Variants in NPEPL1 observed in about 807,000 individuals in gnomAD.
The protein encoded by NPEPL1 is probable aminopeptidase NPEPL1.
In NPEPL1, 45 loss-of-function variants were observed where a neutral mutation model predicts 52.4. The observed-to-expected ratio is 0.86, with a 90% CI of 0.68 to 1.10. The LOEUF is 1.10. NPEPL1 is among the 50% of genes least tolerant of loss of function. The pLI, the probability that NPEPL1 is intolerant of heterozygous loss-of-function variation, is 0.00. For missense variants in NPEPL1, 696 were observed against 710.9 expected (o/e 0.98, Z 0.24); for synonymous variants, 360 against 314.7 (o/e 1.14, Z -1.52).
chr20:58,709,719 T>C (rs2084799500), intron 7 of NPEPL1, among the ~76,000 whole-genome samples: 1 of 152,216 alleles, frequency 6.6e-6, no homozygotes, highest in South Asian at 2.1e-4. Flanking sequence ...TTCTGCAGGA[T>C]TCCCACCAAA....
chr20:58,701,375 G>A (rs1358913843), intron 6 of NPEPL1, among the ~76,000 whole-genome samples: 3 of 146,690 alleles, frequency 2.0e-5, no homozygotes, highest in Non-Finnish European at 3.0e-5. Context: ...GGTGCCCTGG[G>A]GGGGGGGGAG....
intron 6 of NPEPL1, among the ~76,000 whole-genome samples, chr20:58,705,273 G>T (rs938508214): frequency 3.3e-5 from 5 of 152,116 alleles, no homozygotes; most frequent in African/African-American, 1.2e-4. Context: ...AAGTAAAGAT[G>T]GTGTCGTGGC....
chr20:58,693,536 G>C (rs191434745), intron 1 of NPEPL1: 216 of 513,224 alleles, frequency 4.2e-4, no homozygotes, highest in African/African-American at 3.9e-3. Context: ...ATCCCACCAG[G>C]GGGATGCGAG....
intron 3 of NPEPL1, among the ~76,000 whole-genome samples, chr20:58,696,041 C>T (rs1049574282): frequency 1.3e-5 from 2 of 152,208 alleles, no homozygotes; most frequent in Admixed American, 6.5e-5. Context: ...TCTGCCTCTT[C>T]TCTCTGTCTT....
chr20:58,697,709 C>T (rs1251099386), intron 3 of NPEPL1, among the ~76,000 whole-genome samples: 1 of 152,202 alleles, frequency 6.6e-6, no homozygotes, highest in Non-Finnish European at 1.5e-5. Flanking sequence ...GCTTCTGTGC[C>T]TGGGGATGCA....
intron 6 of NPEPL1, among the ~76,000 whole-genome samples, chr20:58,702,253 T>C (rs1312844833): frequency 6.6e-6 from 1 of 152,226 alleles, no homozygotes; most frequent in Non-Finnish European, 1.5e-5. Flanking sequence ...TGGCGTTCTG[T>C]TCCCGCCTGG....
At chr20:58,703,602 G>A in intron 6 of NPEPL1, 1 of 985,320 alleles carries the variant, frequency 1.0e-6, no homozygotes, top group Non-Finnish European at 1.2e-6. Flanking sequence ...GAGAAGATGA[G>A]CTTCCTGGGA....
At chr20:58,691,549 T>C (rs553558681), upstream of NPEPL1, 64 of 651,242 alleles carry the variant, frequency 9.8e-5, no homozygotes, top group Non-Finnish European at 4.1e-5. Flanking sequence ...ACCTGGAGCC[T>C]GTGGACAGGG....
intron 7 of NPEPL1, among the ~76,000 whole-genome samples, chr20:58,710,032 C>CT (rs59087368): frequency 0.011 from 1,236 of 109,374 alleles, 52 homozygotes; most frequent in South Asian, 0.023. Context: ...TTGTTTGTGG[C>CT]TTTTTTTTTT....
At chr20:58,703,978 T>A in intron 6 of NPEPL1, 1 of 985,252 alleles carries the variant, frequency 1.0e-6, no homozygotes, top group Non-Finnish European at 1.2e-6. Flanking sequence ...CAATACCTGG[T>A]TTTTTATTTT....
chr20:58,698,829 T>C (rs2296526), intron 4 of NPEPL1, 56 bp downstream of exon 4: 916,392 of 1,459,452 alleles, frequency 0.63, 293,282 homozygotes, highest in African/African-American at 0.89. Context: ...TGTCATAGAC[T>C]CCCAGGAGAG....
chr20:58,703,345 G>A (rs2084671811), intron 6 of NPEPL1: 1 of 435,116 alleles, frequency 2.3e-6, no homozygotes, highest in Non-Finnish European at 3.0e-6. Context: ...TGCTGACTTT[G>A]TTCAGAGATA....
At chr20:58,698,601 G>A in intron 3 of NPEPL1, 83 bp from the exon 4 acceptor site, 3 of 1,113,314 alleles carry the variant, frequency 2.7e-6, no homozygotes, top group East Asian at 2.4e-5. Flanking sequence ...GTTTGCCTCT[G>A]CTGCCTTTTG....
In NPEPL1 at chr20:58,694,468, C is replaced by A; in HGVS notation, c.383C>A (p.Ala128Asp). Reference protein sequence around the residue: ...PEVFASACALARAFPLFTHRS... With the variant: ...PEVFASACALDRAFPLFTHRS... Reference sequence around the variant, plus strand: ...GTCTTTGCTTCCGCCTGTGCCCTGGCCCGGGCCTTCCCGCTGTTCACCCAC... The same window carrying A: ...GTCTTTGCTTCCGCCTGTGCCCTGGACCGGGCCTTCCCGCTGTTCACCCAC... The change falls in exon 3 of 12, where the codon GCC (alanine) becomes GAC (aspartate). Residue 128 changes from alanine to aspartate, a missense_variant. Ala to Asp is a moderately radical substitution (Grantham distance 126, BLOSUM62 -2). Coordinates refer to ENST00000356091, the MANE Select transcript of NPEPL1 (RefSeq NM_024663.4). 1.2e-6 allele frequency: 2 copies of A among 1,613,798 alleles called. No individual in the cohort carries two copies. Among genetic ancestry groups the A allele is most frequent in the South Asian group, 2.2e-5 (2 of 91,054 alleles).
chr20:58,694,431 G>A lies in NPEPL1; in HGVS notation c.346G>A (p.Glu116Lys), dbSNP rs1405782965. Residue 116 changes from glutamate to lysine, a missense_variant, in exon 3 of 12, where the codon GAG (glutamate) becomes AAG (lysine). Glu to Lys is a moderately conservative substitution (Grantham distance 56, BLOSUM62 1). Transcript: ENST00000356091. ...GAHRCIVMVC[E>K]QPEVFASACA... Reference sequence around the variant, plus strand: ...TCCCTATGTGCCACAGATGGTCTGCGAGCAGCCGGAGGTCTTTGCTTCCGC... The same window carrying A: ...TCCCTATGTGCCACAGATGGTCTGCAAGCAGCCGGAGGTCTTTGCTTCCGC... The A allele has an allele frequency of 1.9e-6, 3 of 1,609,720 alleles. No individual in the cohort carries two copies. The highest frequency in any genetic ancestry group is 2.2e-5 in the East Asian group (1 of 44,798).
In NPEPL1 at chr20:58,694,513, G is replaced by GCTT; in HGVS notation, c.429_431dup (p.Arg143_Leu144insPhe). The GCTT allele has an allele frequency of 6.2e-7, 1 of 1,614,018 alleles. No homozygotes were observed. Among genetic ancestry groups the GCTT allele is most frequent in the Non-Finnish European group, 8.5e-7 (1 of 1,179,886 alleles). On this transcript the variant is annotated inframe_insertion, in exon 3 of 12. Coordinates refer to ENST00000356091, the MANE Select transcript of NPEPL1 (RefSeq NM_024663.4). ...ACCCACCGCTCAGGTGCCTCTCGGCGCTTGGAGAAGAAGACGGTCACCGTG... is the reference window on the plus strand; with the variant it reads ...ACCCACCGCTCAGGTGCCTCTCGGCGCTTCTTGGAGAAGAAGACGGTCACCGTG...
At chr20:58,689,822 A>AACAC (rs35608871), upstream of NPEPL1, among the ~76,000 whole-genome samples, 23 of 150,758 alleles carry the variant, frequency 1.5e-4, no homozygotes, top group African/African-American at 3.4e-4. Flanking sequence ...CACATGCACA[A>AACAC]ACACACACAC....
chr20:58,708,242 T>C (rs1253963402), intron 7 of NPEPL1, among the ~76,000 whole-genome samples: 1 of 152,234 alleles, frequency 6.6e-6, no homozygotes, highest in Non-Finnish European at 1.5e-5. Context: ...AGGGTCCTGC[T>C]CCTGGCCGTG....
At position 58,713,196 on chromosome 20, in the gene NPEPL1, T is replaced by C; in HGVS notation, c.1002-224T>C. 1 of 532,384 alleles carries C rather than the reference T, an allele frequency of 1.9e-6. No homozygotes were observed. The highest frequency in any genetic ancestry group is 3.1e-5 in the East Asian group (1 of 32,546). 33.0% of individuals were successfully genotyped at this position (532,384 alleles called of 1,614,324 possible). On this transcript the variant is annotated intron_variant, in intron 8 of 11. Coordinates refer to ENST00000356091, the MANE Select transcript of NPEPL1 (RefSeq NM_024663.4). This position sits in a 1 kb window ranked among gnomAD's most constrained non-coding sequence, Gnocchi z 4.6. ...GAGCCAAATGGCTGGTCTCTGGCTCTCCAGAGCAGCGGGGCAGGGATGTCA... is the reference window on the plus strand; with the variant it reads ...GAGCCAAATGGCTGGTCTCTGGCTCCCCAGAGCAGCGGGGCAGGGATGTCA...
Sources: gnomAD v4.1 joint callset for allele counts (sites outside exome capture counted in the v4.1 genomes callset) on GRCh38, gnomAD v4.1.1 for gene constraint, Gnocchi (gnomAD v3.1) non-coding constraint, MANE v1.5 for transcripts, NCBI Gene and HGNC (gene_info 2026-07-23, HGNC 2026-07-21) for gene names.